The following PCDHA1 variants were observed in gnomAD, a reference collection of about 807,000 sequenced individuals.
PCDHA1 encodes the protein protocadherin alpha 1, also known as protocadherin alpha-1.
Under a neutral mutation model 61.3 loss-of-function variants are expected in PCDHA1, and 42 were observed. That is an observed-to-expected ratio of 0.69 (90% CI 0.54 to 0.89). The LOEUF is 0.89. PCDHA1 is among the 40% of genes least tolerant of loss of function. The probability of loss-of-function intolerance (pLI) is 0.00; values close to 1 mark genes in which losing one functional copy is unlikely to be tolerated. For synonymous variants in PCDHA1, 610 were observed against 553.8 expected, an observed-to-expected ratio of 1.10 and a Z score of -1.43; for missense variants, 1,256 against 1,235.3, an observed-to-expected ratio of 1.02 and a Z score of -0.25.
At chr5:141,007,677 T>C (rs2098339934) in intron 3 of PCDHA1, among the ~76,000 whole-genome samples, 1 of 152,158 alleles carries the variant, frequency 6.6e-6, no homozygotes, top group South Asian at 2.1e-4. Flanking sequence ...AGACAAAAGT[T>C]ATCCTACTTC....
intron 1 of PCDHA1, chr5:140,829,898 T>C (rs2150177238): frequency 2.5e-6 from 4 of 1,613,830 alleles, no homozygotes; most frequent in African/African-American, 2.7e-5. Context: ...CGACTCAGGC[T>C]ACAACGCGTG....
At position 140,788,241 on chromosome 5, in the gene PCDHA1, G is replaced by T. The variant is rs781987958; in HGVS notation, c.1951G>T (p.Val651Leu). The T allele has an allele frequency of 2.5e-6, 4 of 1,613,930 alleles. No individual in the cohort carries two copies. The South Asian group carries it at 4.4e-5, about 18-fold the overall frequency. Residue 651 changes from valine to leucine, a missense_variant, in exon 1 of 4, where the codon GTG becomes TTG. By Grantham distance (32) the Val-to-Leu change is conservative. Coordinates refer to ENST00000504120, the MANE Select transcript of PCDHA1 (RefSeq NM_018900.4). ...GTCGCGCTACCGCCTTCTGGTGCTA[G>T]TGAAGGATCACGGTGAGCCGGCGCT... ...DLSRYRLLVL[V>L]KDHGEPALTA... is the part of the protein sequence containing the mutation.
At position 140,796,212 on chromosome 5, in the gene PCDHA1, G is replaced by T. The variant is rs537511000; in HGVS notation, c.2394+7528G>T. On this transcript the variant is annotated intron_variant, in intron 1 of 3. Coordinates refer to ENST00000504120, the MANE Select transcript of PCDHA1 (RefSeq NM_018900.4). Reference sequence around the variant, plus strand: ...TGCTGGACAGCGCCCTGGACCGCGAGAGCGTGTCAGCCTATGAGCTGGTGG... The same window carrying T: ...TGCTGGACAGCGCCCTGGACCGCGATAGCGTGTCAGCCTATGAGCTGGTGG... The T allele has an allele frequency of 1.9e-6, 3 of 1,614,206 alleles. No individual in the cohort carries two copies. In the East Asian group the frequency reaches 6.7e-5, roughly 36 times the overall value.
chr5:140,835,289 C>T, intron 1 of PCDHA1: 1 of 1,612,382 alleles, frequency 6.2e-7, no homozygotes, highest in Non-Finnish European at 8.5e-7. Flanking sequence ...GTGGGGCAAT[C>T]ACAGTGATAG....
At chr5:140,985,047 C>T (rs1417890181) in intron 3 of PCDHA1, among the ~76,000 whole-genome samples, 5 of 152,076 alleles carry the variant, frequency 3.3e-5, no homozygotes, top group African/African-American at 9.7e-5. Context: ...AAGTGATTCT[C>T]CTGCCTCAGC....
intron 2 of PCDHA1, among the ~76,000 whole-genome samples, chr5:140,981,439 T>C (rs1468864699): frequency 6.6e-6 from 1 of 152,128 alleles, no homozygotes; most frequent in Non-Finnish European, 1.5e-5. Flanking sequence ...CCAGGCATGG[T>C]GGCGGGTGCC....
chr5:140,891,712 C>T (rs2063219356), intron 1 of PCDHA1, among the ~76,000 whole-genome samples: 1 of 152,148 alleles, frequency 6.6e-6, no homozygotes, highest in Non-Finnish European at 1.5e-5. Context: ...TTTGTACCCC[C>T]AAATTCATGT....
At chr5:140,993,720 T>C (rs1201014213) in intron 3 of PCDHA1, among the ~76,000 whole-genome samples, 2 of 152,172 alleles carry the variant, frequency 1.3e-5, no homozygotes, top group Non-Finnish European at 2.9e-5. Context: ...TTACTGTACC[T>C]TTTCTATGTT....
In PCDHA1 at chr5:140,850,072, A is replaced by C. The variant is rs2150465925; in HGVS notation, c.2394+61388A>C. 113 of 1,596,472 alleles carry C rather than the reference A, an allele frequency of 7.1e-5. 13 individuals are homozygous for C. The Admixed American group carries it at 1.8e-3, about 25-fold the overall frequency. On this transcript the variant is annotated intron_variant, in intron 1 of 3. Coordinates refer to ENST00000504120, the MANE Select transcript of PCDHA1 (RefSeq NM_018900.4). The stretch of plus-strand genomic sequence containing the variant: ...TACGCGCTGCAGCCGTTGGACCACG[A>C]GGAGCTGGAGCTGCTACAGTTCCAG...
rs782096178 is a variant in PCDHA1 at position 140,876,689 on chromosome 5, CGTT to C, written c.2394+88007_2394+88009del. The C allele has an allele frequency of 6.2e-6, 10 of 1,614,110 alleles. No homozygotes were observed. The East Asian group carries it at 1.6e-4, about 25-fold the overall frequency. On this transcript the variant is annotated intron_variant, in intron 1 of 3. Coordinates refer to ENST00000504120, the MANE Select transcript of PCDHA1 (RefSeq NM_018900.4). ...GTGTCCACCTACAAGAATTACTACT[CGTT>C]GGTGCTGGACAGCGCCCTGGACCGC...
chr5:140,802,135 G>GT, intron 1 of PCDHA1: 1 of 1,614,198 alleles, frequency 6.2e-7, no homozygotes, highest in African/African-American at 1.3e-5. Context: ...TTCGAGGAAA[G>GT]TAAGTCATAT....
At chr5:140,916,163 C>G (rs546851152) in intron 1 of PCDHA1, among the ~76,000 whole-genome samples, 1 of 152,066 alleles carries the variant, frequency 6.6e-6, no homozygotes, top group African/African-American at 2.4e-5. Context: ...TGAATGCTGC[C>G]AGGCCTGGGA....
chr5:140,839,017 T>A (rs2150294125), intron 1 of PCDHA1, among the ~76,000 whole-genome samples: 2 of 152,096 alleles, frequency 1.3e-5, no homozygotes, highest in Non-Finnish European at 2.9e-5. Flanking sequence ...TAAATTATTT[T>A]AGGATATGTT....
At chr5:140,943,509 A>G (rs1053319828) in intron 1 of PCDHA1, among the ~76,000 whole-genome samples, 1 of 152,132 alleles carries the variant, frequency 6.6e-6, no homozygotes, top group East Asian at 1.9e-4. Flanking sequence ...GGTTCATGGA[A>G]ATGTTGAGTT....
chr5:140,797,082 G>C (rs376374088), intron 1 of PCDHA1: 46 of 1,613,950 alleles, frequency 2.9e-5, no homozygotes, highest in Admixed American at 1.0e-4. Flanking sequence ...CCATCTGCGC[G>C]GTATCCAGCC....
intron 1 of PCDHA1, chr5:140,828,518 T>G (rs2150156316): frequency 6.2e-7 from 1 of 1,614,092 alleles, no homozygotes; most frequent in Non-Finnish European, 8.5e-7. Flanking sequence ...AGTGCTGATT[T>G]ACGAATCTAG....
intron 1 of PCDHA1, chr5:140,853,500 T>C (rs2042770346): frequency 1.0e-6 from 1 of 977,532 alleles, no homozygotes; most frequent in Non-Finnish European, 1.2e-6. Flanking sequence ...GTTAGAATCA[T>C]GAAACAATAA....
rs1195696269 is a variant in PCDHA1, at chr5:141,010,821, TTTG to T, written c.*890_*892del. ...AACCCCGACACCTCACCTTTCGCTG[TTTG>T]TTGTTTCATAGATTTATTTAAAAAA... is the stretch of plus-strand genomic sequence containing the variant. On this transcript the variant is annotated 3_prime_UTR_variant, in exon 4 of 4. Coordinates refer to ENST00000504120, the MANE Select transcript of PCDHA1 (RefSeq NM_018900.4). 3 of 153,772 alleles carry T rather than the reference TTTG, an allele frequency of 2.0e-5. No individual in the cohort carries two copies. The highest frequency in any genetic ancestry group is 4.4e-5 in the Non-Finnish European group (3 of 68,048). 9.5% of individuals were successfully genotyped at this position (153,772 alleles called of 1,614,324 possible).
chr5:140,786,495 A>T lies in PCDHA1; in HGVS notation c.205A>T (p.Lys69Ter). The T allele has an allele frequency of 6.2e-7, 1 of 1,613,876 alleles. No homozygotes were observed. The highest frequency in any genetic ancestry group is 1.1e-5 in the South Asian group (1 of 91,070). The change falls in exon 1 of 4, where the codon AAA (lysine) becomes TAA (stop). Residue 69 changes from lysine to a stop codon, truncating the protein, a stop_gained. Coordinates refer to ENST00000504120, the MANE Select transcript of PCDHA1 (RefSeq NM_018900.4). LOFTEE classifies it high-confidence loss of function. ...GCCTCGCCTGTTCCGGGTGGCGTCCAAAACACACAGGGACCTTCTGGAGGT... is the reference window on the plus strand; with the variant it reads ...GCCTCGCCTGTTCCGGGTGGCGTCCTAAACACACAGGGACCTTCTGGAGGT... ...LVPRLFRVASKTHRDLLEVNL... is the reference protein window; with the variant it reads ...LVPRLFRVAS
Sources: allele counts gnomAD v4.1 joint callset (sites outside exome capture counted in the v4.1 genomes callset), GRCh38; gene constraint gnomAD v4.1.1; transcripts MANE v1.5; gene names NCBI Gene and HGNC (gene_info 2026-07-23, HGNC 2026-07-21).